Variants in PRTFDC1 observed in about 807,000 individuals in gnomAD.
PRTFDC1 encodes phosphoribosyl transferase domain containing 1, also known as phosphoribosyltransferase domain-containing protein 1.
In PRTFDC1, 38 loss-of-function variants were observed where a neutral mutation model predicts 34.6. The ratio of observed to expected loss-of-function variants is 1.10; its 90% CI spans 0.85 to 1.44. The LOEUF (loss-of-function observed/expected upper bound fraction) is 1.44. Among genes scored for constraint, PRTFDC1 ranks in the 40% most tolerant of loss-of-function variants. The pLI, the probability that PRTFDC1 is intolerant of heterozygous loss-of-function variation, is 0.00. For synonymous variants in PRTFDC1, 93 were observed against 98.1 expected (o/e 0.95, Z 0.31); for missense variants, 270 against 283.0 (o/e 0.95, Z 0.33).
chr10:24,910,511 G>T (rs1848609765), intron 3 of PRTFDC1, among the ~76,000 whole-genome samples: 1 of 152,150 alleles, frequency 6.6e-6, no homozygotes, highest in African/African-American at 2.4e-5. Context: ...AATCAATGTT[G>T]AGTGTGAGTG....
chr10:24,912,048 C>T (rs191519301), intron 3 of PRTFDC1, among the ~76,000 whole-genome samples: 3 of 151,826 alleles, frequency 2.0e-5, no homozygotes, highest in Admixed American at 2.0e-4. Flanking sequence ...GCGGGTGGAT[C>T]ACTTGAGGTC....
intron 3 of PRTFDC1, among the ~76,000 whole-genome samples, chr10:24,890,419 C>T (rs1445222920): frequency 6.6e-6 from 1 of 152,248 alleles, no homozygotes; most frequent in Non-Finnish European, 1.5e-5. Context: ...CACATCCACA[C>T]TACATGGCCT....
chr10:24,910,888 G>A (rs1236676077), intron 3 of PRTFDC1, among the ~76,000 whole-genome samples: 1 of 151,080 alleles, frequency 6.6e-6, no homozygotes, highest in Non-Finnish European at 1.5e-5. Flanking sequence ...TAGAGAGTTA[G>A]GTAATTTTTT....
Position 24,952,475 on chromosome 10 carries a change from G to A in PRTFDC1, c.48+53C>T. The A allele has an allele frequency of 6.5e-7, 1 of 1,528,756 alleles. No homozygotes were observed. Among genetic ancestry groups the A allele is most frequent in the African/African-American group, 1.4e-5 (1 of 73,026 alleles). 94.7% of individuals were successfully genotyped at this position (1,528,756 alleles called of 1,614,324 possible). A position where few individuals can be genotyped will look rare whatever the true frequency, so the allele number is the denominator to read the frequency against. ...CAAGCATTTAATCTACAAGCAGGGT[G>A]CCAGGGAGGGAGGGGAGCGGGCCGA... On this transcript the variant is annotated intron_variant, in intron 1 of 8. Transcript: ENST00000320152. The surrounding 1 kb of genome is among the most constrained non-coding windows in gnomAD (Gnocchi z 5.1).
At chr10:24,879,437 G>A (rs534737741) in intron 3 of PRTFDC1, among the ~76,000 whole-genome samples, 6 of 151,916 alleles carry the variant, frequency 3.9e-5, no homozygotes, top group East Asian at 3.9e-4. Context: ...TCCGCCTCCC[G>A]GGATCAAGCG....
intron 4 of PRTFDC1, among the ~76,000 whole-genome samples, chr10:24,858,943 T>C (rs1488239860): frequency 6.6e-6 from 1 of 152,170 alleles, no homozygotes; most frequent in African/African-American, 2.4e-5. Flanking sequence ...GTGCCTGGTC[T>C]GTATTTTTAG....
chr10:24,909,742 T>C (rs1848598264), intron 3 of PRTFDC1, among the ~76,000 whole-genome samples: 1 of 152,194 alleles, frequency 6.6e-6, no homozygotes. Flanking sequence ...TCTCACCTCC[T>C]ACTGAAATTT....
chr10:24,873,940 C>T (rs1471230420), intron 3 of PRTFDC1, among the ~76,000 whole-genome samples: 2 of 148,036 alleles, frequency 1.4e-5, no homozygotes, highest in Admixed American at 1.4e-4. Context: ...CATGGTCTCA[C>T]TCTGTCACCT....
intron 3 of PRTFDC1, among the ~76,000 whole-genome samples, chr10:24,936,188 A>C (rs1388783806): frequency 6.6e-6 from 1 of 152,238 alleles, no homozygotes; most frequent in Non-Finnish European, 1.5e-5. Flanking sequence ...CTCCTCACCC[A>C]ATAGTAAGTT....
chr10:24,863,278 TAA>T (rs1847714280), intron 4 of PRTFDC1, among the ~76,000 whole-genome samples: 1 of 152,204 alleles, frequency 6.6e-6, no homozygotes, highest in East Asian at 1.9e-4. Context: ...AAAATGATGC[TAA>T]ATCAACTTTG....
At chr10:24,921,742 CAAA>C (rs1848793579) in intron 3 of PRTFDC1, among the ~76,000 whole-genome samples, 1 of 143,032 alleles carries the variant, frequency 7.0e-6, no homozygotes, top group African/African-American at 2.6e-5. Context: ...GCTAGGCAAA[CAAA>C]AAAATGTCAA....
At chr10:24,924,045 C>T (rs6482461) in intron 3 of PRTFDC1, among the ~76,000 whole-genome samples, 7 of 151,706 alleles carry the variant, frequency 4.6e-5, no homozygotes, top group Non-Finnish European at 1.0e-4. Context: ...GTAGAAGAAA[C>T]GATATCAGTG....
rs778942134 is a variant in PRTFDC1 at position 24,851,388 on chromosome 10, A to C, written c.630T>G (p.Asn210Lys). The C allele has an allele frequency of 1.2e-6, 2 of 1,602,574 alleles. No individual in the cohort carries two copies. Among genetic ancestry groups the C allele is most frequent in the Admixed American group, 3.5e-5 (2 of 57,104 alleles). ...TTAGGGATTTGCATGCAAGACTTAC[A>C]TTCAGATCTCTGAAGTATTCATTGT... ...LDYNEYFRDL[N>K]HICVINEHGK... Residue 210 changes from asparagine (N) to lysine (K), a missense_variant and splice_region_variant, in exon 8 of 9, where the codon AAT becomes AAG. Coordinates refer to ENST00000320152, the MANE Select transcript of PRTFDC1 (RefSeq NM_020200.7).
At chr10:24,932,106 G>T (rs1325757973) in intron 3 of PRTFDC1, among the ~76,000 whole-genome samples, 15 of 151,834 alleles carry the variant, frequency 9.9e-5, no homozygotes, top group Admixed American at 9.8e-4. Context: ...TCTAGAAAAA[G>T]CACTGATGAT....
At chr10:24,893,114 T>C (rs755745181) in intron 3 of PRTFDC1, among the ~76,000 whole-genome samples, 10 of 152,194 alleles carry the variant, frequency 6.6e-5, no homozygotes, top group Non-Finnish European at 1.0e-4. Flanking sequence ...ATGTTATATA[T>C]TTGAGAATGA....
chr10:24,911,285 A>C (rs1231698357), intron 3 of PRTFDC1, among the ~76,000 whole-genome samples: 1 of 152,270 alleles, frequency 6.6e-6, no homozygotes, highest in Non-Finnish European at 1.5e-5. Flanking sequence ...GCTTTCTGTT[A>C]TGAAAGTTTT....
chr10:24,916,944 C>T (rs1208439364), intron 3 of PRTFDC1, among the ~76,000 whole-genome samples: 1 of 152,152 alleles, frequency 6.6e-6, no homozygotes, highest in Admixed American at 6.6e-5. Flanking sequence ...CCCTTACAGT[C>T]CAATTACCAT....
intron 7 of PRTFDC1, among the ~76,000 whole-genome samples, chr10:24,853,804 T>C (rs1404951629): frequency 2.0e-5 from 3 of 152,136 alleles, no homozygotes; most frequent in Non-Finnish European, 4.4e-5. Context: ...AGGACAATCA[T>C]GAATCAGAGT....
intron 4 of PRTFDC1, among the ~76,000 whole-genome samples, chr10:24,862,209 A>G (rs1033517748): frequency 2.0e-5 from 3 of 152,196 alleles, no homozygotes; most frequent in African/African-American, 4.8e-5. Flanking sequence ...AAAAATGATG[A>G]TAATTTCTTA....
Sources: gnomAD v4.1 joint callset for allele counts (sites outside exome capture counted in the v4.1 genomes callset) on GRCh38, gnomAD v4.1.1 for gene constraint, Gnocchi (gnomAD v3.1) non-coding constraint, MANE v1.5 for transcripts, NCBI Gene and HGNC (gene_info 2026-07-23, HGNC 2026-07-21) for gene names.